The following FGD4 variants were observed in gnomAD, a reference collection of about 807,000 sequenced individuals.
FGD4 encodes the protein FYVE, RhoGEF and PH domain-containing protein 4.
FGD4 carries 42 observed loss-of-function variants against 102.0 expected under a neutral mutation model. The observed-to-expected ratio is 0.41, with a 90% CI of 0.32 to 0.53. The LOEUF is 0.53. Among genes scored for constraint, FGD4 ranks in the 20% least tolerant of loss-of-function variants. The pLI is 0.21. For missense variants in FGD4, 902 were observed against 1,078.2 expected (o/e 0.84, Z 2.29); for synonymous variants, 380 against 375.7 (o/e 1.01, Z -0.13).
intron 2 of FGD4, among the ~76,000 whole-genome samples, chr12:32,564,539 C>T (rs374424242): frequency 7.2e-5 from 11 of 152,232 alleles, no homozygotes; most frequent in East Asian, 5.8e-4. Context: ...GTCATCTTAA[C>T]GGAACTGTGA....
intron 4 of FGD4, among the ~76,000 whole-genome samples, chr12:32,585,676 A>T (rs1041607249): frequency 2.0e-5 from 3 of 151,820 alleles, no homozygotes; most frequent in African/African-American, 7.3e-5. Flanking sequence ...TCTACAAAAA[A>T]TTTAAAAGTT....
intron 1 of FGD4, chr12:32,502,210 G>GA: frequency 1.0e-6 from 1 of 985,510 alleles, no homozygotes; most frequent in Non-Finnish European, 1.2e-6. Flanking sequence ...CCTGTGCTGG[G>GA]TGAGATTATC....
chr12:32,504,557 T>C (rs1367565239), intron 1 of FGD4, among the ~76,000 whole-genome samples: 2 of 152,252 alleles, frequency 1.3e-5, no homozygotes, highest in African/African-American at 4.8e-5. Flanking sequence ...AGGTGCTAGA[T>C]GTCTGAGGTG....
intron 10 of FGD4, among the ~76,000 whole-genome samples, chr12:32,615,742 C>T (rs1949412922): frequency 6.6e-6 from 1 of 151,940 alleles, no homozygotes; most frequent in African/African-American, 2.4e-5. Context: ...GGGCAAGAGC[C>T]TTTATTGTGG....
chr12:32,504,309 T>C (rs573680396), intron 1 of FGD4, among the ~76,000 whole-genome samples: 1 of 152,278 alleles, frequency 6.6e-6, no homozygotes, highest in South Asian at 2.1e-4. Flanking sequence ...CTGGAGCATC[T>C]GTGATCCCAA....
chr12:32,518,239 C>CT (rs1940105270), intron 1 of FGD4, among the ~76,000 whole-genome samples: 1 of 152,158 alleles, frequency 6.6e-6, no homozygotes, highest in Admixed American at 6.6e-5. Flanking sequence ...AAGATGAACA[C>CT]TTGGAGAGCA....
At chr12:32,534,243 A>C in intron 1 of FGD4, 1 of 1,224,228 alleles carries the variant, frequency 8.2e-7, no homozygotes, top group Non-Finnish European at 1.0e-6. Context: ...GTACTGCAGC[A>C]GTCCGTCCTC....
At chr12:32,418,149 G>A (rs1266711371) in intron 1 of FGD4, among the ~76,000 whole-genome samples, 2 of 151,812 alleles carry the variant, frequency 1.3e-5, no homozygotes, top group African/African-American at 2.4e-5. Context: ...GTAGAGACGG[G>A]GTTTCGCTGT....
chr12:32,508,340 A>G (rs1939000869), intron 1 of FGD4, among the ~76,000 whole-genome samples: 2 of 152,238 alleles, frequency 1.3e-5, no homozygotes, highest in African/African-American at 4.8e-5. Context: ...CTTCAGTTTT[A>G]TAGTCTGAAA....
At chr12:32,486,044 C>G in intron 1 of FGD4, 12 of 1,490,916 alleles carry the variant, frequency 8.0e-6, no homozygotes, top group South Asian at 1.3e-5. Flanking sequence ...CCTATAGTTT[C>G]TACCAACAAA....
chr12:32,558,923 A>G (rs1317858744), intron 1 of FGD4, among the ~76,000 whole-genome samples: 1 of 152,178 alleles, frequency 6.6e-6, no homozygotes, highest in Non-Finnish European at 1.5e-5. Flanking sequence ...TAAAAAGATG[A>G]CCAGTCCTCA....
At chr12:32,465,860 C>T (rs1013497371) in intron 1 of FGD4, among the ~76,000 whole-genome samples, 3 of 152,060 alleles carry the variant, frequency 2.0e-5, no homozygotes, top group African/African-American at 4.8e-5. Context: ...GTCACTGCAA[C>T]GTTAGCTTCC....
chr12:32,637,074 A>G (rs1950878114), intron 15 of FGD4, among the ~76,000 whole-genome samples: 1 of 135,446 alleles, frequency 7.4e-6, no homozygotes, highest in Admixed American at 7.6e-5. Flanking sequence ...TTTTTAGTAG[A>G]GGCAGGGTTT....
intron 5 of FGD4, chr12:32,600,339 C>T: frequency 1.6e-6 from 1 of 611,138 alleles, no homozygotes. Context: ...ATTCTAGAGT[C>T]CTAATTACTA....
intron 1 of FGD4, among the ~76,000 whole-genome samples, chr12:32,535,483 C>T (rs546722902): frequency 5.9e-4 from 90 of 152,240 alleles, no homozygotes; most frequent in African/African-American, 2.1e-3. Context: ...CTAGTAGCTG[C>T]GGGAGGGTTA....
At chr12:32,534,523 A>T (rs1306100693) in intron 1 of FGD4, 6 of 1,424,446 alleles carry the variant, frequency 4.2e-6, no homozygotes, top group Middle Eastern at 3.7e-4. Flanking sequence ...TTTCTAGTAG[A>T]TATATTTTTT....
Position 32,420,722 on chromosome 12 carries a change from C to G in FGD4, c.166+20763C>G, listed in dbSNP as rs560210727. Among the ~76,000 whole-genome samples the G allele has an allele frequency of 5.9e-5, 9 of 152,238 alleles. No homozygotes were observed. The South Asian group carries it at 1.9e-3, about 32-fold the overall frequency. ...GTTGTCAGTCACCTCAATTTCTTCA[C>G]CAAACTTCTTGTTTTTGCTCTGTGT... On this transcript the variant is annotated intron_variant, in intron 1 of 16. Transcript: ENST00000534526.
At chr12:32,526,814 T>G (rs10844231) in intron 1 of FGD4, among the ~76,000 whole-genome samples, 2 of 151,910 alleles carry the variant, frequency 1.3e-5, no homozygotes, top group Admixed American at 6.6e-5. Flanking sequence ...CAACTCCAGA[T>G]GCCCCGCCTT....
intron 9 of FGD4, 62 bp downstream of exon 9, chr12:32,610,896 A>G: frequency 6.6e-7 from 1 of 1,525,012 alleles, no homozygotes; most frequent in Admixed American, 1.7e-5. Context: ...ATACTGCCTC[A>G]ATACTATGTA....
Sources: allele counts gnomAD v4.1 joint callset (sites outside exome capture counted in the v4.1 genomes callset), GRCh38; gene constraint gnomAD v4.1.1; transcripts MANE v1.5; gene names NCBI Gene and HGNC (gene_info 2026-07-23, HGNC 2026-07-21).